The following WWOX variants were observed in gnomAD, a reference collection of about 807,000 sequenced individuals.
WWOX encodes WW domain containing oxidoreductase.
A neutral mutation model predicts 46.2 loss-of-function variants in WWOX; 69 were observed. The observed-to-expected ratio is 1.49, with a 90% CI of 1.23 to 1.82. WWOX has a LOEUF of 1.82. Among genes scored for constraint, WWOX ranks in the 40% most tolerant of loss-of-function variants. The pLI is 0.00. For synonymous variants in WWOX, 359 were observed against 202.6 expected, an observed-to-expected ratio of 1.77 and a Z score of -6.56; for missense variants, 919 against 542.6, an observed-to-expected ratio of 1.69 and a Z score of -6.89.
At chr16:79,108,086 A>T (rs535998174) in intron 8 of WWOX, among the ~76,000 whole-genome samples, 55 of 152,292 alleles carry the variant, frequency 3.6e-4, no homozygotes, top group African/African-American at 1.3e-3. Flanking sequence ...TATTATCAGG[A>T]TTTTCTACAA....
At chr16:78,509,177 G>A (rs1483528265) in intron 8 of WWOX, among the ~76,000 whole-genome samples, 8 of 152,190 alleles carry the variant, frequency 5.3e-5, no homozygotes, top group Non-Finnish European at 8.8e-5. Flanking sequence ...GGTGGTTCAC[G>A]CCTGTAATCC....
intron 8 of WWOX, among the ~76,000 whole-genome samples, chr16:79,163,102 G>A (rs1285572828): frequency 2.6e-5 from 4 of 152,198 alleles, no homozygotes; most frequent in Non-Finnish European, 5.9e-5. Context: ...GTTGACAAGC[G>A]ACATTTGTGT....
At chr16:78,871,709 C>G (rs528233040) in intron 8 of WWOX, among the ~76,000 whole-genome samples, 1 of 152,350 alleles carries the variant, frequency 6.6e-6, no homozygotes, top group South Asian at 2.1e-4. Context: ...AAGCAATTCT[C>G]CTGCCTCAGC....
intron 4 of WWOX, among the ~76,000 whole-genome samples, chr16:78,148,823 G>A (rs2034298038): frequency 6.7e-6 from 1 of 149,002 alleles, no homozygotes; most frequent in Non-Finnish European, 1.5e-5. Context: ...GCGTGAACCT[G>A]GGAGGCGGAG....
intron 8 of WWOX, among the ~76,000 whole-genome samples, chr16:78,746,627 A>T (rs1323156944): frequency 2.0e-5 from 3 of 151,510 alleles, no homozygotes; most frequent in Admixed American, 1.3e-4. Context: ...ATTAGTCAAC[A>T]TGATGTGAGC....
rs981546840 is a variant in WWOX, at chr16:78,417,755, G to A, written c.606-7115G>A. Among the ~76,000 whole-genome samples, 4 of 152,262 alleles carry A rather than the reference G, an allele frequency of 2.6e-5. No individual in the cohort carries two copies. The East Asian group carries it at 7.7e-4, about 29-fold the overall frequency. On this transcript the variant is annotated intron_variant, in intron 6 of 8. Transcript: ENST00000566780. ...TTACAGGTAGGCTCGGTGCTTCAAA[G>A]GATTTCTGCCTATCTCTTCACAGAG...
chr16:78,796,845 A>G (rs201948570), intron 8 of WWOX, among the ~76,000 whole-genome samples: 2 of 84,912 alleles, frequency 2.4e-5, no homozygotes, highest in African/African-American at 4.9e-5. Flanking sequence ...TTTTTTTTTT[A>G]GCCATAGTCT....
At chr16:78,515,378 G>A (rs766815809) in intron 8 of WWOX, among the ~76,000 whole-genome samples, 1 of 152,162 alleles carries the variant, frequency 6.6e-6, no homozygotes, top group African/African-American at 2.4e-5. Context: ...TAAGCTCATC[G>A]TAGTTACTTA....
intron 1 of WWOX, among the ~76,000 whole-genome samples, chr16:78,104,183 T>G (rs2031984243): frequency 6.6e-6 from 1 of 150,984 alleles, no homozygotes; most frequent in Non-Finnish European, 1.5e-5. Context: ...GGGCTGGCTG[T>G]CCTCACCGTG....
intron 8 of WWOX, chr16:78,553,135 T>G (rs564585825): frequency 6.6e-6 from 1 of 151,372 alleles, no homozygotes; most frequent in South Asian, 2.1e-4. Flanking sequence ...AGGAGTGGGG[T>G]TGGGGGAGGG....
chr16:78,494,920 T>C (rs1222743442), intron 8 of WWOX, among the ~76,000 whole-genome samples: 1 of 152,188 alleles, frequency 6.6e-6, no homozygotes, highest in Non-Finnish European at 1.5e-5. Flanking sequence ...AGGCTTGTTA[T>C]TTCCTCTTTC....
At chr16:78,332,174 A>AC (rs2080773885) in intron 5 of WWOX, among the ~76,000 whole-genome samples, 1 of 151,980 alleles carries the variant, frequency 6.6e-6, no homozygotes, top group Admixed American at 6.6e-5. Context: ...GTCTTTCCCC[A>AC]CCCCAAGCCT....
At chr16:78,775,543 T>A (rs1267202504) in intron 8 of WWOX, among the ~76,000 whole-genome samples, 1 of 152,130 alleles carries the variant, frequency 6.6e-6, no homozygotes, top group African/African-American at 2.4e-5. Context: ...AGTATGGGCT[T>A]TGAAACTGCT....
rs185594367 is a variant in WWOX, at chr16:78,223,116, G to C, written c.516+58827G>C. On this transcript the variant is annotated intron_variant, in intron 5 of 8. Coordinates refer to ENST00000566780, the MANE Select transcript of WWOX (RefSeq NM_016373.4). ...TGATTTGGGTACCTGCTGCTTGTAG[G>C]CTGTGACTGTCAGTAGCAGAAATAA... is the stretch of plus-strand genomic sequence containing the variant. 3.7e-4 allele frequency among the ~76,000 whole-genome samples: 56 copies of C among 152,294 alleles called. No homozygotes were observed. In the East Asian group the frequency reaches 0.01, roughly 28 times the overall value.
At position 79,067,592 on chromosome 16, in the gene WWOX, G is replaced by A. The variant is rs533235318; in HGVS notation, c.1057-144016G>A. Among the ~76,000 whole-genome samples, 616 of 127,704 alleles carry A rather than the reference G, an allele frequency of 4.8e-3. 1 individual carries two copies. Among genetic ancestry groups the A allele is most frequent in the Non-Finnish European group, 8.2e-3 (512 of 62,742 alleles). The allele number at this position is 127,704 out of a possible 152,430, so 83.8% of individuals were successfully genotyped here. ...TACTAATACTTCATGCTCATCCTCT[G>A]CCTGCCCTGGGTTTTTAATTTGTGC... is the stretch of plus-strand genomic sequence containing the variant. On this transcript the variant is annotated intron_variant, in intron 8 of 8. Transcript: ENST00000566780.
At chr16:78,245,781 G>A (rs1355993869) in intron 5 of WWOX, among the ~76,000 whole-genome samples, 2 of 152,152 alleles carry the variant, frequency 1.3e-5, no homozygotes, top group African/African-American at 2.4e-5. Context: ...GCGGTACAGC[G>A]CAGACAATAT....
intron 4 of WWOX, among the ~76,000 whole-genome samples, chr16:78,159,024 T>A (rs1398170675): frequency 6.6e-6 from 1 of 152,196 alleles, no homozygotes; most frequent in East Asian, 1.9e-4. Context: ...TTGTATCATG[T>A]AGTATTTGTC....
At chr16:78,320,712 T>C (rs1051360633) in intron 5 of WWOX, among the ~76,000 whole-genome samples, 9 of 152,170 alleles carry the variant, frequency 5.9e-5, no homozygotes, top group Non-Finnish European at 1.0e-4. Context: ...TTTCTAACCA[T>C]CTGTTTCTCT....
In WWOX at chr16:78,871,974, C is replaced by G. The variant is rs184664732; in HGVS notation, c.1057-339634C>G. On this transcript the variant is annotated intron_variant, in intron 8 of 8. Transcript: ENST00000566780. ...GCCCTAGGGAGAGCTTGGCTGTGGC[C>G]TTGCAGACCCTCTCAGATGCCACTC... Among the ~76,000 whole-genome samples the G allele has an allele frequency of 5.1e-3, 777 of 152,258 alleles. 10 individuals carry two copies. The highest frequency in any genetic ancestry group is 6.1e-3 in the Non-Finnish European group (417 of 68,024).
Sources: gnomAD v4.1 joint callset for allele counts (sites outside exome capture counted in the v4.1 genomes callset) on GRCh38, gnomAD v4.1.1 for gene constraint, MANE v1.5 for transcripts, NCBI Gene and HGNC (gene_info 2026-07-23, HGNC 2026-07-21) for gene names.